Variants in C4orf36 observed in about 807,000 individuals in gnomAD.
The protein encoded by C4orf36 is chromosome 4 open reading frame 36.
A neutral mutation model predicts 12.2 loss-of-function variants in C4orf36; 11 were observed. The ratio of observed to expected loss-of-function variants is 0.90; its 90% confidence interval spans 0.57 to 1.49. The LOEUF is 1.49. Ranked by LOEUF, C4orf36 falls within the 40% of genes most tolerant of loss-of-function variation. C4orf36 has a pLI of 0.00. For missense variants in C4orf36, 137 were observed against 133.9 expected (o/e 1.02, Z -0.11); for synonymous variants, 54 against 51.3 (o/e 1.05, Z -0.22).
the C4orf36 span, among the ~76,000 whole-genome samples, chr4:86,901,223 C>T: frequency 6.6e-6 from 1 of 151,670 alleles, no homozygotes; most frequent in Non-Finnish European, 1.5e-5. Context: ...TTCAAGTGAG[C>T]CACCTGCCTC....
chr4:86,896,085 G>T (rs965082533), upstream of C4orf36, among the ~76,000 whole-genome samples: 4 of 152,154 alleles, frequency 2.6e-5, no homozygotes, highest in Non-Finnish European at 5.9e-5. Flanking sequence ...CACAATAAAT[G>T]CTACTATTAA....
At chr4:86,900,129 G>A in the C4orf36 span, among the ~76,000 whole-genome samples, 55 of 151,936 alleles carry the variant, frequency 3.6e-4, 1 homozygote, top group Non-Finnish European at 5.0e-4. Flanking sequence ...TCCGCCTCCT[G>A]GGTTCAAGCA....
chr4:86,892,458 G>A, upstream of C4orf36: 2 of 985,362 alleles, frequency 2.0e-6, no homozygotes, highest in Non-Finnish European at 2.4e-6. Flanking sequence ...CTCAACAAAG[G>A]GCTTTGTGGG....
At chr4:86,892,156 G>T in intron 1 of C4orf36, 27 bp downstream of exon 1, 6 of 985,540 alleles carry the variant, frequency 6.1e-6, no homozygotes, top group Non-Finnish European at 7.2e-6. Context: ...AGAAGGGAAC[G>T]GCCTCAGCCT....
the C4orf36 span, among the ~76,000 whole-genome samples, chr4:86,909,584 A>G: frequency 3.9e-5 from 6 of 152,196 alleles, no homozygotes; most frequent in Non-Finnish European, 8.8e-5. Flanking sequence ...TATCAGATTT[A>G]GATTTATGAG....
chr4:86,883,995 T>TG (rs1203331297), intron 4 of C4orf36, among the ~76,000 whole-genome samples: 3 of 113,220 alleles, frequency 2.6e-5, no homozygotes, highest in South Asian at 4.1e-4. Context: ...CCAGCCTGGG[T>TG]GGGAAAAAAA....
the C4orf36 span, among the ~76,000 whole-genome samples, chr4:86,903,495 T>C: frequency 6.6e-6 from 1 of 152,216 alleles, no homozygotes; most frequent in Non-Finnish European, 1.5e-5. Flanking sequence ...CTGGAATTGT[T>C]CATTCCTTCC....
intron 4 of C4orf36, among the ~76,000 whole-genome samples, chr4:86,877,120 C>T (rs1746944526): frequency 6.6e-6 from 1 of 152,200 alleles, no homozygotes; most frequent in Admixed American, 6.5e-5. Context: ...AATCTTTTCA[C>T]AGTCCAAAAC....
the C4orf36 span, chr4:86,913,358 C>T: frequency 3.6e-6 from 3 of 824,128 alleles, no homozygotes; most frequent in South Asian, 2.6e-5. Flanking sequence ...TCTTGCTTGC[C>T]CACCTCATAA....
chr4:86,931,757 C>T, the C4orf36 span, among the ~76,000 whole-genome samples: 3 of 152,264 alleles, frequency 2.0e-5, no homozygotes, highest in African/African-American at 7.2e-5. Flanking sequence ...TTTGTTCCGC[C>T]AGGTGTGGTG....
chr4:86,879,369 A>G (rs1746994036), intron 4 of C4orf36, among the ~76,000 whole-genome samples: 1 of 152,240 alleles, frequency 6.6e-6, no homozygotes, highest in Non-Finnish European at 1.5e-5. Flanking sequence ...ATTTTTTAAA[A>G]TCTGGAGCTG....
At chr4:86,904,580 CAAAAAAAAA>C in the C4orf36 span, among the ~76,000 whole-genome samples, 9 of 70,458 alleles carry the variant, frequency 1.3e-4, no homozygotes, top group African/African-American at 4.2e-4. Context: ...GACTCTGTCT[CAAAAAAAAA>C]AAAAAAAAAA....
chr4:86,896,479 C>T (rs1055439239), upstream of C4orf36, among the ~76,000 whole-genome samples: 26 of 152,140 alleles, frequency 1.7e-4, no homozygotes, highest in African/African-American at 6.0e-4. Flanking sequence ...TCTAGGATAA[C>T]GACAAAACAA....
the C4orf36 span, among the ~76,000 whole-genome samples, chr4:86,899,036 A>G: frequency 6.6e-6 from 1 of 152,102 alleles, no homozygotes; most frequent in African/African-American, 2.4e-5. Flanking sequence ...GGCTGCAGTG[A>G]GCCACGATTG....
upstream of C4orf36, among the ~76,000 whole-genome samples, chr4:86,895,804 C>A (rs1388026019): frequency 6.6e-6 from 1 of 152,110 alleles, no homozygotes; most frequent in African/African-American, 2.4e-5. Context: ...TATCTCTATT[C>A]ATCTTTTTCC....
At position 86,879,978 on chromosome 4, in the gene C4orf36, G is replaced by A. The variant is rs185880765; in HGVS notation, c.*3-3535C>T. ...CAATCCTCCTGCCTCAGCCTCTGGA[G>A]TAACTGTGACTATAGGCACACACTA... On this transcript the variant is annotated intron_variant, in intron 4 of 4. Transcript: ENST00000295898. Among the ~76,000 whole-genome samples the A allele has an allele frequency of 1.1e-3, 164 of 151,948 alleles. 1 individual carries two copies. The highest frequency in any genetic ancestry group is 0.01 in the Middle Eastern group (3 of 292).
upstream of C4orf36, chr4:86,892,504 C>T (rs1747467925): frequency 5.1e-6 from 5 of 973,860 alleles, no homozygotes; most frequent in Non-Finnish European, 6.1e-6. Flanking sequence ...ACGCCGGGCC[C>T]GGGAGACGCG....
chr4:86,892,804 T>C (rs1747480980), upstream of C4orf36, among the ~76,000 whole-genome samples: 1 of 152,210 alleles, frequency 6.6e-6, no homozygotes, highest in African/African-American at 2.4e-5. Flanking sequence ...TAGGTGTTCG[T>C]GTTCAGAGCA....
At chr4:86,932,343 A>G in the C4orf36 span, 38 of 103,758 alleles carry the variant, frequency 3.7e-4, no homozygotes, top group African/African-American at 1.2e-3. Context: ...GTGAAACTTC[A>G]TATCAAAAAA....
Sources: allele counts gnomAD v4.1 joint callset (sites outside exome capture counted in the v4.1 genomes callset), GRCh38; gene constraint gnomAD v4.1.1; transcripts MANE v1.5; gene names NCBI Gene and HGNC (gene_info 2026-07-23, HGNC 2026-07-21).